Variants in TRAPPC13 observed in about 807,000 individuals in gnomAD.
The protein encoded by TRAPPC13 is trafficking protein particle complex subunit 13.
TRAPPC13 carries 39 observed loss-of-function variants against 54.0 expected under a neutral mutation model. The observed-to-expected ratio is 0.72, with a 90% CI of 0.56 to 0.94. The LOEUF (loss-of-function observed/expected upper bound fraction) is 0.94. Among genes scored for constraint, TRAPPC13 ranks in the 40% least tolerant of loss-of-function variants. TRAPPC13 has a pLI of 0.00. For synonymous variants in TRAPPC13, 148 were observed against 167.7 expected (o/e 0.88, Z 0.91); for missense variants, 386 against 488.1 (o/e 0.79, Z 1.97).
In TRAPPC13 at chr5:65,633,768, A is replaced by G. The variant is rs546810101; in HGVS notation, c.47-1533A>G. On this transcript the variant is annotated intron_variant, in intron 1 of 12. Coordinates refer to ENST00000399438, the MANE Select transcript of TRAPPC13 (RefSeq NM_024941.4). ...CTCATTAGACTATAATAAATATTCA[A>G]TTTCTTTTTTTTTACTTTTCTGTGG... Among the ~76,000 whole-genome samples the G allele has an allele frequency of 4.0e-5, 6 of 151,822 alleles. 2 individuals carry two copies. The highest frequency in any genetic ancestry group is 1.4e-4 in the African/African-American group (6 of 41,410).
At position 65,647,010 on chromosome 5, in the gene TRAPPC13, C is replaced by A. The variant is rs549419516; in HGVS notation, c.301-45C>A. ...ATAGCCATGCACACCCTGTAGGTAA[C>A]CAGTCTCATTTGGACTTTTTTTTTT... On this transcript the variant is annotated intron_variant, in intron 4 of 12. Transcript: ENST00000399438. 4,500 of 1,506,660 alleles carry A rather than the reference C, an allele frequency of 3.0e-3. 11 individuals carry two copies. Among genetic ancestry groups the A allele is most frequent in the Non-Finnish European group, 3.6e-3 (4,095 of 1,126,742 alleles). The allele number at this position is 1,506,660 out of a possible 1,614,324, so 93.3% of individuals were successfully genotyped here.
At chr5:65,639,876 A>G (rs927144513) in intron 4 of TRAPPC13, among the ~76,000 whole-genome samples, 2 of 152,248 alleles carry the variant, frequency 1.3e-5, no homozygotes, top group Non-Finnish European at 2.9e-5. Flanking sequence ...AACTCACAGT[A>G]TGTGGGGGAG....
In TRAPPC13 at chr5:65,650,841, G is replaced by A. The variant is rs749809024; in HGVS notation, c.460G>A (p.Ala154Thr). Reference sequence around the variant, plus strand: ...ATGTGCTGTGAGTTATACAACTCAGGCTGGAGAAAAAATGTATTTCAGAAA... The same window carrying A: ...ATGTGCTGTGAGTTATACAACTCAGACTGGAGAAAAAATGTATTTCAGAAA... ...LVCAVSYTTQ[A>T]GEKMYFRKFF... Residue 154 changes from alanine (A) to threonine (T), a missense_variant, in exon 6 of 13, where the codon GCT becomes ACT. Coordinates refer to ENST00000399438, the MANE Select transcript of TRAPPC13 (RefSeq NM_024941.4). 1 of 1,613,280 alleles carries A rather than the reference G, an allele frequency of 6.2e-7. No homozygotes were observed. Among genetic ancestry groups the A allele is most frequent in the East Asian group, 2.2e-5 (1 of 44,818 alleles).
intron 1 of TRAPPC13, among the ~76,000 whole-genome samples, chr5:65,628,984 A>C (rs543505300): frequency 1.2e-4 from 18 of 151,102 alleles, no homozygotes; most frequent in African/African-American, 4.1e-4. Flanking sequence ...CACCCAGCTA[A>C]TTTTTTTTTG....
intron 4 of TRAPPC13, among the ~76,000 whole-genome samples, chr5:65,645,155 G>A (rs1397633839): frequency 7.2e-6 from 1 of 139,206 alleles, no homozygotes; most frequent in Admixed American, 7.7e-5. Flanking sequence ...CCGAGATCAT[G>A]CCATTGCACG....
intron 5 of TRAPPC13, among the ~76,000 whole-genome samples, chr5:65,648,765 A>AATATTAAT (rs1756304326): frequency 6.6e-6 from 1 of 152,168 alleles, no homozygotes; most frequent in Admixed American, 6.5e-5. Context: ...CCACTATTAA[A>AATATTAAT]ATATTAATAT....
At chr5:65,644,374 C>T (rs1363594651) in intron 4 of TRAPPC13, among the ~76,000 whole-genome samples, 1 of 152,158 alleles carries the variant, frequency 6.6e-6, no homozygotes, top group Non-Finnish European at 1.5e-5. Flanking sequence ...CCTCTGAAGA[C>T]ATCTTGAGCT....
At chr5:65,662,983 A>G (rs1224101999) in intron 11 of TRAPPC13, 1 of 152,088 alleles carries the variant, frequency 6.6e-6, no homozygotes, top group East Asian at 1.9e-4. Context: ...ACACTCATAT[A>G]TTACTGTAAG....
intron 9 of TRAPPC13, among the ~76,000 whole-genome samples, chr5:65,659,824 G>T (rs1191533075): frequency 6.6e-6 from 1 of 151,944 alleles, no homozygotes; most frequent in Non-Finnish European, 1.5e-5. Flanking sequence ...ATTTAGCTGG[G>T]CATGGTGGTA....
At chr5:65,639,376 C>A (rs1755882263) in intron 4 of TRAPPC13, among the ~76,000 whole-genome samples, 1 of 150,042 alleles carries the variant, frequency 6.7e-6, no homozygotes, top group Admixed American at 6.6e-5. Context: ...AAAAAAAAAA[C>A]AGGCCTGGCA....
chr5:65,661,011 A>G, intron 10 of TRAPPC13, 114 bp downstream of exon 10: 1 of 783,348 alleles, frequency 1.3e-6, no homozygotes, highest in East Asian at 2.8e-5. Context: ...AAAAGGCATT[A>G]CTACTACTGG....
intron 4 of TRAPPC13, among the ~76,000 whole-genome samples, chr5:65,641,154 G>A (rs1007951644): frequency 6.6e-6 from 1 of 151,968 alleles, no homozygotes; most frequent in Non-Finnish European, 1.5e-5. Context: ...AGCAGGTCTT[G>A]AACTCCTGAA....
chr5:65,641,957 A>T (rs1270064328), intron 4 of TRAPPC13, among the ~76,000 whole-genome samples: 7 of 151,372 alleles, frequency 4.6e-5, no homozygotes, highest in African/African-American at 1.7e-4. Context: ...TTTTTCTAGG[A>T]AATAATCCAT....
intron 5 of TRAPPC13, 97 bp downstream of exon 5, chr5:65,647,279 C>A: frequency 9.4e-7 from 1 of 1,065,592 alleles, no homozygotes; most frequent in Non-Finnish European, 1.3e-6. Context: ...AGCATAGGAA[C>A]CTACTTCAAA....
chr5:65,625,395 T>C (rs1755164148), intron 1 of TRAPPC13: 1 of 408,438 alleles, frequency 2.4e-6, no homozygotes, highest in Non-Finnish European at 4.4e-6. Context: ...CGTGGAGATC[T>C]CTGTGAATTA....
intron 8 of TRAPPC13, among the ~76,000 whole-genome samples, chr5:65,657,234 T>C (rs1182892160): frequency 2.0e-5 from 3 of 150,936 alleles, no homozygotes. Flanking sequence ...ATACAAAAAT[T>C]AGCTCAGTAT....
chr5:65,652,339 C>CTTTTTTTTTTTT (rs11354403), intron 6 of TRAPPC13, among the ~76,000 whole-genome samples, 162 bp from the exon 7 acceptor site: 3 of 116,228 alleles, frequency 2.6e-5, no homozygotes, highest in Non-Finnish European at 5.4e-5. Flanking sequence ...TTTTTCTTTT[C>CTTTTTTTTTTTT]TTTTTTTTTT....
intron 8 of TRAPPC13, among the ~76,000 whole-genome samples, chr5:65,656,183 C>T (rs552087997): frequency 1.3e-5 from 2 of 152,350 alleles, no homozygotes; most frequent in East Asian, 3.9e-4. Context: ...TTGCTTATAT[C>T]ACATTACATA....
At chr5:65,637,900 C>G in intron 4 of TRAPPC13, 120 bp downstream of exon 4, 4 of 472,088 alleles carry the variant, frequency 8.5e-6, no homozygotes, top group Non-Finnish European at 1.5e-5. Flanking sequence ...AGGTGGATCA[C>G]CTGAGGTCAG....
Sources: gnomAD v4.1 joint callset for allele counts (sites outside exome capture counted in the v4.1 genomes callset) on GRCh38, gnomAD v4.1.1 for gene constraint, MANE v1.5 for transcripts, NCBI Gene and HGNC (gene_info 2026-07-23, HGNC 2026-07-21) for gene names.